NCK2: variants seen among roughly 807,000 people sequenced by gnomAD.
NCK2 encodes cytoplasmic protein NCK2.
Under a neutral mutation model 33.9 loss-of-function variants are expected in NCK2, and 16 were observed. That is an observed-to-expected ratio of 0.47 (90% CI 0.32 to 0.72). The LOEUF (loss-of-function observed/expected upper bound fraction) is 0.72, where lower values mean the gene tolerates loss of function less well. NCK2 is among the 30% of genes least tolerant of loss of function. The pLI is 0.03. For synonymous variants in NCK2, 273 were observed against 239.9 expected, an observed-to-expected ratio of 1.14 and a Z score of -1.27; for missense variants, 418 against 537.3, an observed-to-expected ratio of 0.78 and a Z score of 2.19.
chr2:105,777,657 G>A (rs1228600318), intron 1 of NCK2, among the ~76,000 whole-genome samples: 2 of 152,202 alleles, frequency 1.3e-5, no homozygotes, highest in African/African-American at 4.8e-5. Flanking sequence ...GTAACAGTCT[G>A]TGGACACCAA....
chr2:105,786,979 C>T (rs1690702199), intron 1 of NCK2, among the ~76,000 whole-genome samples: 2 of 152,260 alleles, frequency 1.3e-5, no homozygotes, highest in Admixed American at 1.3e-4. Context: ...TGGTGCCGCA[C>T]AGGTGCTCCC....
chr2:105,782,651 C>T (rs553884076), intron 1 of NCK2, among the ~76,000 whole-genome samples: 4 of 151,288 alleles, frequency 2.6e-5, no homozygotes, highest in East Asian at 1.9e-4. Flanking sequence ...CCTCATGCAA[C>T]GTCAAATGAT....
intron 1 of NCK2, among the ~76,000 whole-genome samples, chr2:105,759,666 C>G (rs1421378407): frequency 6.6e-6 from 1 of 152,082 alleles, no homozygotes; most frequent in Non-Finnish European, 1.5e-5. Flanking sequence ...ATTGTTAAGT[C>G]CATAGTTTAT....
intron 2 of NCK2, among the ~76,000 whole-genome samples, chr2:105,818,943 G>A (rs895273542): frequency 6.6e-6 from 1 of 152,154 alleles, no homozygotes. Flanking sequence ...CCCCTTTGAT[G>A]TGTGGTATTT....
At chr2:105,872,686 G>C (rs908658516) in intron 3 of NCK2, among the ~76,000 whole-genome samples, 2 of 152,222 alleles carry the variant, frequency 1.3e-5, no homozygotes, top group African/African-American at 4.8e-5. Context: ...TACAGCCAGA[G>C]GTGGCATTTG....
At chr2:105,752,749 G>C (rs1689490912) in intron 1 of NCK2, among the ~76,000 whole-genome samples, 1 of 152,172 alleles carries the variant, frequency 6.6e-6, no homozygotes, top group African/African-American at 2.4e-5. Context: ...AGTTCCATCT[G>C]TGTTGCTGCA....
intron 1 of NCK2, among the ~76,000 whole-genome samples, chr2:105,767,393 A>C (rs1385035945): frequency 6.6e-6 from 1 of 152,208 alleles, no homozygotes; most frequent in African/African-American, 2.4e-5. Flanking sequence ...GTATTTTGTG[A>C]AAGGTGTTCT....
intron 1 of NCK2, among the ~76,000 whole-genome samples, chr2:105,773,878 GTCTTT>G (rs1488315701): frequency 6.6e-6 from 1 of 152,104 alleles, no homozygotes; most frequent in Non-Finnish European, 1.5e-5. Context: ...TAGTCCAGCA[GTCTTT>G]TCTTTAACTG....
chr2:105,757,728 G>A (rs1014908142), intron 1 of NCK2, among the ~76,000 whole-genome samples: 7 of 152,146 alleles, frequency 4.6e-5, no homozygotes, highest in South Asian at 2.1e-4. Flanking sequence ...AATAACTTTC[G>A]CCATCTCTGG....
Position 105,881,347 on chromosome 2 carries a change from G to A in NCK2, c.246G>A (p.Arg82=), listed in dbSNP as rs1243846067. Residue 82 remains arginine (R), a synonymous_variant, in exon 4 of 5, where the codon AGG becomes AGA. Coordinates refer to ENST00000233154, the MANE Select transcript of NCK2 (RefSeq NM_003581.5). ...KDTLGLGKTR[R]KTSARDASPT... is the part of the protein sequence containing the mutation. ...CCACAGGCCTCGGCAAGACGCGCAG[G>A]AAGACCAGCGCGCGGGATGCGTCCC... 2 of 1,601,420 alleles carry A rather than the reference G, an allele frequency of 1.2e-6. No homozygotes were observed.
chr2:105,788,098 A>G (rs1049501982), intron 1 of NCK2, among the ~76,000 whole-genome samples: 7 of 152,186 alleles, frequency 4.6e-5, no homozygotes, highest in Non-Finnish European at 7.3e-5. Flanking sequence ...AAGCTTCTCA[A>G]TTTGACTTTC....
intron 1 of NCK2, among the ~76,000 whole-genome samples, chr2:105,777,214 G>A (rs991890758): frequency 2.0e-5 from 3 of 152,118 alleles, no homozygotes; most frequent in African/African-American, 7.2e-5. Context: ...GCTGCTTTAG[G>A]AACCTGCTGT....
At chr2:105,855,927 T>C (rs6752686) in intron 3 of NCK2, among the ~76,000 whole-genome samples, 141,160 of 151,526 alleles carry the variant, frequency 0.93, 65,821 homozygotes, top group East Asian at 0.98. Flanking sequence ...CTCCACCTCC[T>C]GGGTTCACAC....
chr2:105,826,987 CTTTTTTA>C (rs1014383809), intron 2 of NCK2, among the ~76,000 whole-genome samples: 5 of 151,958 alleles, frequency 3.3e-5, no homozygotes, highest in South Asian at 2.1e-4. Context: ...ACATAGCATT[CTTTTTTA>C]TTTTTTATTT....
intron 2 of NCK2, among the ~76,000 whole-genome samples, chr2:105,839,081 G>T (rs376540806): frequency 6.6e-6 from 1 of 152,084 alleles, no homozygotes; most frequent in South Asian, 2.1e-4. Flanking sequence ...AGCAAGGGAG[G>T]GGACATTTGA....
intron 1 of NCK2, among the ~76,000 whole-genome samples, chr2:105,775,933 C>A (rs1690283938): frequency 6.6e-6 from 1 of 152,218 alleles, no homozygotes; most frequent in Non-Finnish European, 1.5e-5. Context: ...AAACAAAGCA[C>A]CACCACCAAC....
intron 2 of NCK2, chr2:105,847,199 A>G (rs940080953): frequency 1.3e-5 from 2 of 152,154 alleles, no homozygotes; most frequent in South Asian, 4.2e-4. Context: ...TACCTATTCC[A>G]GTTTTTCAAG....
intron 2 of NCK2, among the ~76,000 whole-genome samples, chr2:105,818,728 G>T (rs1341417724): frequency 6.6e-6 from 1 of 152,138 alleles, no homozygotes; most frequent in African/African-American, 2.4e-5. Context: ...TTTGCAGATT[G>T]TTTTAAAGTA....
At chr2:105,842,457 A>G (rs963353087) in intron 2 of NCK2, among the ~76,000 whole-genome samples, 1 of 151,986 alleles carries the variant, frequency 6.6e-6, no homozygotes, top group African/African-American at 2.4e-5. Context: ...TCCTATATAC[A>G]CCAATACTTA....
Sources: allele counts gnomAD v4.1 joint callset (sites outside exome capture counted in the v4.1 genomes callset), GRCh38; gene constraint gnomAD v4.1.1; transcripts MANE v1.5; gene names NCBI Gene and HGNC (gene_info 2026-07-23, HGNC 2026-07-21).